The following STARD13 variants were observed in gnomAD, a reference collection of about 807,000 sequenced individuals.
STARD13 encodes the protein StAR related lipid transfer domain containing 13.
STARD13 carries 62 observed loss-of-function variants against 106.4 expected under a neutral mutation model. The observed-to-expected ratio is 0.58, with a 90% CI of 0.48 to 0.72. The LOEUF is 0.72. STARD13 is among the 30% of genes least tolerant of loss of function. STARD13 has a pLI of 0.00. For missense variants in STARD13, 1,387 were observed against 1,424.0 expected (o/e 0.97, Z 0.42); for synonymous variants, 565 against 553.0 (o/e 1.02, Z -0.31).
chr13:33,127,662 C>A (rs574322491), intron 5 of STARD13, 116 bp from the exon 6 acceptor site: 2 of 1,046,102 alleles, frequency 1.9e-6, no homozygotes, highest in African/African-American at 3.3e-5. Context: ...CAAAGAAAAT[C>A]GCAAAGCAAA....
intron 1 of STARD13, among the ~76,000 whole-genome samples, chr13:33,343,448 G>T (rs1184764675): frequency 6.6e-6 from 1 of 150,728 alleles, no homozygotes; most frequent in African/African-American, 2.4e-5. Context: ...GAGTGGTGAC[G>T]CAAGCCTGTA....
At chr13:33,558,182 A>T in the STARD13 span, among the ~76,000 whole-genome samples, 115 of 152,206 alleles carry the variant, frequency 7.6e-4, 1 homozygote, top group Non-Finnish European at 5.7e-4. Flanking sequence ...TTTTTCACTC[A>T]TAATCTTTCT....
exon 1 of STARD13, chr13:33,350,470 C>A: frequency 6.7e-7 from 1 of 1,493,372 alleles, no homozygotes; most frequent in South Asian, 1.2e-5. Context: ...CCGCGTGGCC[C>A]GCGACTCAGA....
At chr13:33,432,738 T>G in the STARD13 span, among the ~76,000 whole-genome samples, 1 of 152,244 alleles carries the variant, frequency 6.6e-6, no homozygotes, top group South Asian at 2.1e-4. Context: ...AAATTATGGC[T>G]GCTTTTTAAT....
At chr13:33,198,853 C>A (rs555226653) in intron 1 of STARD13, among the ~76,000 whole-genome samples, 1 of 152,292 alleles carries the variant, frequency 6.6e-6, no homozygotes, top group African/African-American at 2.4e-5. Flanking sequence ...AAATATTCAT[C>A]CTAAATTACA....
At chr13:33,326,154 C>T (rs1254375423) in intron 1 of STARD13, among the ~76,000 whole-genome samples, 1 of 152,054 alleles carries the variant, frequency 6.6e-6, no homozygotes, top group Non-Finnish European at 1.5e-5. Context: ...CCTTTCAGAA[C>T]AACTGTAAAA....
chr13:33,473,553 G>A, the STARD13 span, among the ~76,000 whole-genome samples: 1 of 152,172 alleles, frequency 6.6e-6, no homozygotes, highest in Admixed American at 6.5e-5. Context: ...TCATCTCAGT[G>A]ATTGGCTTTC....
chr13:33,586,259 A>T, the STARD13 span, among the ~76,000 whole-genome samples: 1 of 152,300 alleles, frequency 6.6e-6, no homozygotes, highest in South Asian at 2.1e-4. Flanking sequence ...AGTATGGCAG[A>T]GCTAAAACAA....
chr13:33,421,099 G>A, the STARD13 span, among the ~76,000 whole-genome samples: 1 of 152,114 alleles, frequency 6.6e-6, no homozygotes, highest in Non-Finnish European at 1.5e-5. Flanking sequence ...AAATAACTAA[G>A]ATCAGAGCAG....
the STARD13 span, among the ~76,000 whole-genome samples, chr13:33,665,244 C>T: frequency 3.9e-5 from 6 of 152,246 alleles, no homozygotes; most frequent in East Asian, 3.9e-4. Flanking sequence ...AATCCCTTGA[C>T]GTTTTATGCA....
chr13:33,649,078 C>T, the STARD13 span, among the ~76,000 whole-genome samples: 3 of 152,280 alleles, frequency 2.0e-5, no homozygotes, highest in South Asian at 4.1e-4. Context: ...CAGGCATGAG[C>T]CACTGCGCCC....
chr13:33,553,556 T>A, the STARD13 span, among the ~76,000 whole-genome samples: 4 of 151,698 alleles, frequency 2.6e-5, no homozygotes, highest in East Asian at 7.7e-4. Flanking sequence ...TTTAAATATT[T>A]ATAATTTACA....
the STARD13 span, among the ~76,000 whole-genome samples, chr13:33,441,520 G>T: frequency 5.9e-5 from 9 of 152,170 alleles, no homozygotes; most frequent in African/African-American, 2.2e-4. Flanking sequence ...GTAAAATGGG[G>T]TTGCTTTGAG....
At chr13:33,201,807 T>G (rs1256570795) in intron 1 of STARD13, among the ~76,000 whole-genome samples, 1 of 152,202 alleles carries the variant, frequency 6.6e-6, no homozygotes, top group Admixed American at 6.5e-5. Flanking sequence ...TCAACTTGAT[T>G]GTTCCAAGTA....
the STARD13 span, among the ~76,000 whole-genome samples, chr13:33,662,665 A>G: frequency 6.6e-6 from 1 of 152,234 alleles, no homozygotes; most frequent in Non-Finnish European, 1.5e-5. Flanking sequence ...TGCAGACAAC[A>G]AAGACAAATC....
the STARD13 span, among the ~76,000 whole-genome samples, chr13:33,560,442 AT>A: frequency 6.6e-6 from 1 of 151,328 alleles, no homozygotes; most frequent in African/African-American, 2.5e-5. Flanking sequence ...ACTTGAGTTC[AT>A]TTTTTCCCCT....
chr13:33,310,843 C>A (rs1242076350), intron 1 of STARD13, among the ~76,000 whole-genome samples: 1 of 151,910 alleles, frequency 6.6e-6, no homozygotes, highest in Admixed American at 6.6e-5. Flanking sequence ...GATGGTAGAA[C>A]CTATGACACA....
the STARD13 span, among the ~76,000 whole-genome samples, chr13:33,490,000 C>A: frequency 6.6e-6 from 1 of 152,070 alleles, no homozygotes; most frequent in African/African-American, 2.4e-5. Context: ...GTTAAGCAAG[C>A]AATGGTTGTG....
chr13:33,426,221 G>T, the STARD13 span, among the ~76,000 whole-genome samples: 1 of 152,076 alleles, frequency 6.6e-6, no homozygotes. Flanking sequence ...TATGTTTTTG[G>T]TGATGCTTTG....
Sources: allele counts gnomAD v4.1 joint callset (sites outside exome capture counted in the v4.1 genomes callset), GRCh38; gene constraint gnomAD v4.1.1; transcripts MANE v1.5; gene names NCBI Gene and HGNC (gene_info 2026-07-23, HGNC 2026-07-21).